The following DCAF16 variants were observed in gnomAD, a reference collection of about 807,000 sequenced individuals.
The protein encoded by DCAF16 is DDB1 and CUL4 associated factor 16, also known as DDB1- and CUL4-associated factor 16.
DCAF16 carries 10 observed loss-of-function variants against 17.3 expected under a neutral mutation model. The ratio of observed to expected loss-of-function variants is 0.58; its 90% confidence interval spans 0.36 to 0.98. The LOEUF (loss-of-function observed/expected upper bound fraction) is 0.98, where lower values mean the gene tolerates loss of function less well. Ranked by LOEUF, DCAF16 falls within the 50% of genes least tolerant of loss-of-function variation. The pLI is 0.01. For synonymous variants in DCAF16, 111 were observed against 92.8 expected (o/e 1.20, Z -1.12); for missense variants, 249 against 247.6 (o/e 1.01, Z -0.04).
Position 17,804,172 on chromosome 4 carries a change from A to G in DCAF16, c.-31T>C. Reference sequence around the variant, plus strand: ...TAAAACACAGTAAGGAACCAGAAAAAGGTAATAATCTAAGCCAGCAGAACA... The same window carrying G: ...TAAAACACAGTAAGGAACCAGAAAAGGGTAATAATCTAAGCCAGCAGAACA... On this transcript the variant is annotated 5_prime_UTR_variant, in exon 3 of 3. Coordinates refer to ENST00000382247, the MANE Select transcript of DCAF16 (RefSeq NM_017741.4). 6.3e-7 allele frequency: 1 copy of G among 1,576,622 alleles called. No individual in the cohort carries two copies. Among genetic ancestry groups the G allele is most frequent in the Non-Finnish European group, 8.6e-7 (1 of 1,158,950 alleles).
At chr4:17,800,144 CAAA>C (rs971077538), downstream of DCAF16, among the ~76,000 whole-genome samples, 6 of 45,994 alleles carry the variant, frequency 1.3e-4, no homozygotes, top group Admixed American at 2.2e-4. Context: ...AACTCCATCT[CAAA>C]AAAAAAAAAA....
intron 1 of DCAF16, among the ~76,000 whole-genome samples, chr4:17,807,722 C>A (rs1030343933): frequency 2.6e-5 from 4 of 152,184 alleles, no homozygotes; most frequent in Admixed American, 6.5e-5. Context: ...CAAGTATATA[C>A]AGCAACATGG....
At chr4:17,795,504 T>C in the DCAF16 span, among the ~76,000 whole-genome samples, 1 of 152,184 alleles carries the variant, frequency 6.6e-6, no homozygotes, top group Non-Finnish European at 1.5e-5. Flanking sequence ...TTATTAGATG[T>C]TGCATCTTAT....
chr4:17,803,398 G>C lies in DCAF16; in HGVS notation c.*93C>G, dbSNP rs927069769. 6 of 1,209,626 alleles carry C rather than the reference G, an allele frequency of 5.0e-6. No individual in the cohort carries two copies. The highest frequency in any genetic ancestry group is 7.1e-6 in the Non-Finnish European group (6 of 840,368). The allele number at this position is 1,209,626 out of a possible 1,614,324, so 74.9% of individuals were successfully genotyped here. A position where few individuals can be genotyped will look rare whatever the true frequency, so the allele number is the denominator to read the frequency against. ...GGCTTGCCAGGGCATAAGAGAGTTTGACTGAGAAGGCATTAGTGGGCTGTG... is the reference window on the plus strand; with the variant it reads ...GGCTTGCCAGGGCATAAGAGAGTTTCACTGAGAAGGCATTAGTGGGCTGTG... On this transcript the variant is annotated 3_prime_UTR_variant, in exon 3 of 3. Transcript: ENST00000382247.
At chr4:17,799,748 C>T (rs906734426), downstream of DCAF16, among the ~76,000 whole-genome samples, 17 of 152,302 alleles carry the variant, frequency 1.1e-4, no homozygotes, top group Admixed American at 1.0e-3. Flanking sequence ...TATCATATGC[C>T]CTCCTGCCAT....
downstream of DCAF16, chr4:17,800,531 C>T (rs1719667222): frequency 1.3e-5 from 2 of 152,512 alleles, no homozygotes; most frequent in Admixed American, 6.5e-5. Context: ...CATCTCCTGT[C>T]AGACATACTA....
At position 17,810,627 on chromosome 4, in the gene DCAF16, C is replaced by T. The variant is rs945530705; in HGVS notation, c.-930G>A. 6.5e-6 allele frequency: 1 copy of T among 153,756 alleles called. No homozygotes were observed. The highest frequency in any genetic ancestry group is 6.5e-5 in the Admixed American group (1 of 15,326). The allele number at this position is 153,756 out of a possible 1,614,324, so 9.5% of individuals were successfully genotyped here. On this transcript the variant is annotated 5_prime_UTR_variant, in exon 1 of 3. Transcript: ENST00000382247. ...TTATCCTCGGCAGATCTCCCGTTCTCACTCTTGGAGGATCGCTTTTTCTTT... is the reference window on the plus strand; with the variant it reads ...TTATCCTCGGCAGATCTCCCGTTCTTACTCTTGGAGGATCGCTTTTTCTTT...
At chr4:17,800,037 C>T (rs1385612140), downstream of DCAF16, among the ~76,000 whole-genome samples, 1 of 151,546 alleles carries the variant, frequency 6.6e-6, no homozygotes, top group African/African-American at 2.4e-5. Flanking sequence ...ATTCCAGCTA[C>T]TCGGGAGGCT....
chr4:17,805,964 T>TCTA (rs1560213662), intron 1 of DCAF16, among the ~76,000 whole-genome samples: 1 of 152,164 alleles, frequency 6.6e-6, no homozygotes, highest in Non-Finnish European at 1.5e-5. Context: ...GAGACTCTTC[T>TCTA]CTACAACAAC....
chr4:17,804,857 T>A (rs1331233589), intron 2 of DCAF16, 86 bp from the exon 3 acceptor site: 2 of 164,534 alleles, frequency 1.2e-5, no homozygotes, highest in Admixed American at 6.5e-5. Flanking sequence ...GAACAAATGC[T>A]GAGCAAGAAG....
At chr4:17,797,499 G>A (rs766967260), downstream of DCAF16, among the ~76,000 whole-genome samples, 7 of 152,184 alleles carry the variant, frequency 4.6e-5, no homozygotes, top group Non-Finnish European at 8.8e-5. Flanking sequence ...CAAGCCATGG[G>A]AGTCTACTTA....
rs1276678719 is a variant in DCAF16, at chr4:17,804,128, T to A, written c.14A>T (p.Asn5Ile). ...TTCTGACAAGTGGTCAGGAGAGGGA[T>A]TTCTAGGACCCATCAGAATAAAACA... MGPR[N>I]PSPDHLSESE... The change falls in exon 3 of 3, where the codon AAT becomes ATT. Residue 5 changes from asparagine to isoleucine, a missense_variant. Coordinates refer to ENST00000382247, the MANE Select transcript of DCAF16 (RefSeq NM_017741.4). The A allele has an allele frequency of 6.2e-7, 1 of 1,613,194 alleles. No homozygotes were observed. Among genetic ancestry groups the A allele is most frequent in the Admixed American group, 1.7e-5 (1 of 59,826 alleles).
At chr4:17,807,089 G>C (rs1382687015) in intron 1 of DCAF16, among the ~76,000 whole-genome samples, 1 of 152,122 alleles carries the variant, frequency 6.6e-6, no homozygotes, top group Non-Finnish European at 1.5e-5. Flanking sequence ...TATAAGGGAG[G>C]ATTCATGATG....
Position 17,810,563 on chromosome 4 carries a change from G to A in DCAF16, c.-866C>T, listed in dbSNP as rs1211420873. The A allele has an allele frequency of 6.6e-6, 1 of 152,434 alleles. No homozygotes were observed. The highest frequency in any genetic ancestry group is 1.5e-5 in the Non-Finnish European group (1 of 68,164). The allele number at this position is 152,434 out of a possible 1,614,324, so 9.4% of individuals were successfully genotyped here. A position where few individuals can be genotyped will look rare whatever the true frequency, so the allele number is the denominator to read the frequency against. On this transcript the variant is annotated 5_prime_UTR_variant, in exon 1 of 3. It adds an upstream start codon to the 5' untranslated region. Coordinates refer to ENST00000382247, the MANE Select transcript of DCAF16 (RefSeq NM_017741.4). Reference sequence around the variant, plus strand: ...CGCCGTCTCTCGAAGCGGAGCCCTCGTGTGGGGATCCCCCGCCCTTCGGCC... The same window carrying A: ...CGCCGTCTCTCGAAGCGGAGCCCTCATGTGGGGATCCCCCGCCCTTCGGCC...
chr4:17,799,050 T>A (rs996497154), downstream of DCAF16, among the ~76,000 whole-genome samples: 4 of 152,212 alleles, frequency 2.6e-5, no homozygotes, highest in African/African-American at 9.6e-5. Flanking sequence ...CTGTTCTATA[T>A]GTCCTAGCTA....
At chr4:17,795,812 G>A (rs1239463469), downstream of DCAF16, among the ~76,000 whole-genome samples, 1 of 152,178 alleles carries the variant, frequency 6.6e-6, no homozygotes, top group Non-Finnish European at 1.5e-5. Context: ...GATTCCAAGT[G>A]ACTGAAAGCT....
chr4:17,795,056 A>G, the DCAF16 span, among the ~76,000 whole-genome samples: 1 of 152,214 alleles, frequency 6.6e-6, no homozygotes, highest in African/African-American at 2.4e-5. Context: ...TGGCTTCCTA[A>G]GAAAAGGTAG....
At chr4:17,798,872 A>G (rs752116892), downstream of DCAF16, among the ~76,000 whole-genome samples, 12 of 152,212 alleles carry the variant, frequency 7.9e-5, no homozygotes, top group Non-Finnish European at 1.5e-4. Flanking sequence ...TATTTGAGAC[A>G]CATCATAGAC....
downstream of DCAF16, among the ~76,000 whole-genome samples, chr4:17,799,842 A>C (rs1461910470): frequency 6.6e-6 from 1 of 152,066 alleles, no homozygotes. Flanking sequence ...AGGTATCTGG[A>C]CTGTTTTAAT....
Sources: allele counts gnomAD v4.1 joint callset (sites outside exome capture counted in the v4.1 genomes callset), GRCh38; gene constraint gnomAD v4.1.1; transcripts MANE v1.5; gene names NCBI Gene and HGNC (gene_info 2026-07-23, HGNC 2026-07-21).